The following ADAMTS2 variants were observed in gnomAD, a reference collection of about 807,000 sequenced individuals.
ADAMTS2 encodes A disintegrin and metalloproteinase with thrombospondin motifs 2.
ADAMTS2 carries 50 observed loss-of-function variants against 123.0 expected under a neutral mutation model. That is an observed-to-expected ratio of 0.41 (90% CI 0.32 to 0.51). The LOEUF is 0.51. ADAMTS2 is among the 20% of genes least tolerant of loss of function. The pLI is 0.35. For synonymous variants in ADAMTS2, 678 were observed against 695.4 expected (o/e 0.98, Z 0.39); for missense variants, 1,494 against 1,705.2 (o/e 0.88, Z 2.18).
intron 9 of ADAMTS2, among the ~76,000 whole-genome samples, 185 bp downstream of exon 9, chr5:179,153,306 C>T (rs893127985): frequency 6.6e-6 from 1 of 152,050 alleles, no homozygotes; most frequent in African/African-American, 2.4e-5. Flanking sequence ...CTGGGCCTGC[C>T]AGGTGGGCTC....
At chr5:179,178,286 A>C (rs1431892276) in intron 5 of ADAMTS2, among the ~76,000 whole-genome samples, 1 of 152,062 alleles carries the variant, frequency 6.6e-6, no homozygotes, top group East Asian at 1.9e-4. Context: ...CCGCCTGTGA[A>C]TGGAGAGCTG....
chr5:179,329,200 G>A (rs74408553), intron 2 of ADAMTS2, among the ~76,000 whole-genome samples: 31,181 of 151,806 alleles, frequency 0.21, 4,096 homozygotes, highest in Non-Finnish European at 0.3. Context: ...GGTGGCGGGC[G>A]CCTGTAGTCC....
At position 179,256,061 on chromosome 5, in the gene ADAMTS2, C is replaced by T. The variant is rs140618398; in HGVS notation, c.688+16850G>A. Among the ~76,000 whole-genome samples the T allele has an allele frequency of 2.0e-5, 3 of 152,202 alleles. No homozygotes were observed. Among genetic ancestry groups the T allele is most frequent in the African/African-American group, 7.2e-5 (3 of 41,436 alleles). On this transcript the variant is annotated intron_variant, in intron 3 of 21. Coordinates refer to ENST00000251582, the MANE Select transcript of ADAMTS2 (RefSeq NM_014244.5). The surrounding 1 kb of genome is among the most constrained non-coding windows in gnomAD (Gnocchi z 4.1). ...GTCCCCAGCCTCTCCCGCAGCTTGG[C>T]CTTGGTCCACCGTGGACAGCGTCTC...
chr5:179,171,414 G>A (rs916381782), intron 5 of ADAMTS2, among the ~76,000 whole-genome samples: 4 of 152,166 alleles, frequency 2.6e-5, no homozygotes, highest in African/African-American at 9.7e-5. Flanking sequence ...CCAGCCCCTA[G>A]CAGTGCCACC....
chr5:179,243,659 GA>G (rs1188470118), intron 3 of ADAMTS2, among the ~76,000 whole-genome samples: 1 of 152,062 alleles, frequency 6.6e-6, no homozygotes, highest in Non-Finnish European at 1.5e-5. Flanking sequence ...CTCATTCACA[GA>G]AAAAAAGGCG....
chr5:179,158,495 A>C lies in ADAMTS2; in HGVS notation c.1132+228T>G, dbSNP rs1394427418. ...CTCTGAAATGTCACTTTTGTGACAC[A>C]TTAGCGTCCCTATACACATAGGTCC... is the stretch of plus-strand genomic sequence containing the variant. On this transcript the variant is annotated intron_variant, in intron 6 of 21. Transcript: ENST00000251582. This position sits in a 1 kb window ranked among gnomAD's most constrained non-coding sequence, Gnocchi z 5.0. Among the ~76,000 whole-genome samples the C allele has an allele frequency of 6.6e-6, 1 of 152,134 alleles. No homozygotes were observed. The highest frequency in any genetic ancestry group is 1.5e-5 in the Non-Finnish European group (1 of 68,026).
intron 4 of ADAMTS2, among the ~76,000 whole-genome samples, chr5:179,186,483 T>A (rs1430224360): frequency 6.6e-6 from 1 of 152,118 alleles, no homozygotes; most frequent in Non-Finnish European, 1.5e-5. Flanking sequence ...GTGAGCCCCG[T>A]CCTGCCCCCT....
At chr5:179,214,453 T>C (rs1431604407) in intron 3 of ADAMTS2, among the ~76,000 whole-genome samples, 1 of 152,126 alleles carries the variant, frequency 6.6e-6, no homozygotes, top group East Asian at 1.9e-4. Flanking sequence ...CAGAAGAAAT[T>C]GAAAGAGCAG....
chr5:179,132,134 A>G lies in ADAMTS2; in HGVS notation c.2290+96T>C. ...CCCTGGCTCAGGTCATGGCTGCACA[A>G]CCCGGGCCCCTGACCCCTGACCCCT... On this transcript the variant is annotated intron_variant, in intron 15 of 21. Coordinates refer to ENST00000251582, the MANE Select transcript of ADAMTS2 (RefSeq NM_014244.5). The surrounding 1 kb of genome is among the most constrained non-coding windows in gnomAD (Gnocchi z 6.1). The G allele has an allele frequency of 8.0e-7, 1 of 1,246,352 alleles. No individual in the cohort carries two copies. The allele number at this position is 1,246,352 out of a possible 1,614,324, so 77.2% of individuals were successfully genotyped here.
intron 12 of ADAMTS2, among the ~76,000 whole-genome samples, chr5:179,136,673 A>G (rs1206497410): frequency 6.9e-6 from 1 of 143,954 alleles, no homozygotes; most frequent in East Asian, 2.0e-4. Context: ...CTCCATCTCA[A>G]AAAAAAAAAA....
chr5:179,208,079 C>T (rs574854098), intron 3 of ADAMTS2, among the ~76,000 whole-genome samples: 6 of 152,254 alleles, frequency 3.9e-5, no homozygotes, highest in African/African-American at 4.8e-5. Flanking sequence ...CCAGGGCTGG[C>T]ATTCAGCCAT....
chr5:179,246,999 C>A (rs1341021636), intron 3 of ADAMTS2, among the ~76,000 whole-genome samples: 5 of 152,060 alleles, frequency 3.3e-5, no homozygotes, highest in African/African-American at 4.8e-5. Flanking sequence ...TGCAAAATAA[C>A]AAGAAAGGAT....
At chr5:179,169,309 G>A (rs1255062757) in intron 5 of ADAMTS2, among the ~76,000 whole-genome samples, 1 of 152,214 alleles carries the variant, frequency 6.6e-6, no homozygotes, top group Non-Finnish European at 1.5e-5. Context: ...CATCAGTTCT[G>A]CTGGCGTCCT....
chr5:179,345,436 A>G lies in ADAMTS2; in HGVS notation c.-108T>C, dbSNP rs1757926127. 1 of 934,634 alleles carries G rather than the reference A, an allele frequency of 1.1e-6. No individual in the cohort carries two copies. Among genetic ancestry groups the G allele is most frequent in the Non-Finnish European group, 1.3e-6 (1 of 779,612 alleles). The allele number at this position is 934,634 out of a possible 1,614,324, so 57.9% of individuals were successfully genotyped here. A position where few individuals can be genotyped will look rare whatever the true frequency, so the allele number is the denominator to read the frequency against. The stretch of plus-strand genomic sequence containing the variant: ...AGCTGGAGCCGCCCGCAGCTGCAGC[A>G]CCGCAGGGCGCGGGGCGGAGGAGGC... On this transcript the variant is annotated 5_prime_UTR_variant, in exon 1 of 22. Transcript: ENST00000251582. The surrounding 1 kb of genome is among the most constrained non-coding windows in gnomAD (Gnocchi z 7.5).
At chr5:179,214,550 G>A (rs549322798) in intron 3 of ADAMTS2, among the ~76,000 whole-genome samples, 1 of 152,104 alleles carries the variant, frequency 6.6e-6, no homozygotes, top group African/African-American at 2.4e-5. Context: ...CAAAGATCAA[G>A]ACTTCTTGAA....
At position 179,254,796 on chromosome 5, in the gene ADAMTS2, C is replaced by T. The variant is rs560742296; in HGVS notation, c.688+18115G>A. On this transcript the variant is annotated intron_variant, in intron 3 of 21. Transcript: ENST00000251582. ...AACAGGGCACAATGAGGAAGGGCTG[C>T]CAAGCAGCCTATTAGCAGCATTTGT... Among the ~76,000 whole-genome samples the T allele has an allele frequency of 3.5e-4, 54 of 152,376 alleles. No individual in the cohort carries two copies. In the South Asian group the frequency reaches 5.8e-3, roughly 16 times the overall value.
chr5:179,238,896 T>C (rs1394384386), intron 3 of ADAMTS2, among the ~76,000 whole-genome samples: 2 of 151,898 alleles, frequency 1.3e-5, no homozygotes, highest in African/African-American at 4.8e-5. Context: ...TCCACCATAG[T>C]GCAGGATTCC....
intron 4 of ADAMTS2, among the ~76,000 whole-genome samples, chr5:179,193,006 A>G (rs1193839293): frequency 2.0e-5 from 3 of 152,042 alleles, no homozygotes; most frequent in Non-Finnish European, 4.4e-5. Context: ...GAGGGCTGGC[A>G]CCTCTTTTGC....
At chr5:179,219,479 G>C (rs1349597440) in intron 3 of ADAMTS2, among the ~76,000 whole-genome samples, 1 of 152,238 alleles carries the variant, frequency 6.6e-6, no homozygotes, top group Non-Finnish European at 1.5e-5. Flanking sequence ...CATCAGACCA[G>C]GCCACTCTCT....
Sources: gnomAD v4.1 joint callset for allele counts (sites outside exome capture counted in the v4.1 genomes callset) on GRCh38, gnomAD v4.1.1 for gene constraint, Gnocchi (gnomAD v3.1) non-coding constraint, MANE v1.5 for transcripts, NCBI Gene and HGNC (gene_info 2026-07-23, HGNC 2026-07-21) for gene names.